Variants in MAD1L1 observed in about 807,000 individuals in gnomAD.
MAD1L1 encodes the protein mitotic spindle assembly checkpoint protein MAD1.
Under a neutral mutation model 96.9 loss-of-function variants are expected in MAD1L1, and 95 were observed. That is an observed-to-expected ratio of 0.98 (90% CI 0.83 to 1.16). The LOEUF (loss-of-function observed/expected upper bound fraction) is 1.16. Among genes scored for constraint, MAD1L1 ranks in the 50% most tolerant of loss-of-function variants. The probability of loss-of-function intolerance (pLI) is 0.00; values close to 1 mark genes in which losing one functional copy is unlikely to be tolerated. For missense variants in MAD1L1, 1,007 were observed against 954.4 expected (o/e 1.06, Z -0.73); for synonymous variants, 473 against 396.6 (o/e 1.19, Z -2.29).
chr7:1,898,820 C>T (rs1415633327), intron 17 of MAD1L1, among the ~76,000 whole-genome samples: 1 of 152,202 alleles, frequency 6.6e-6, no homozygotes, highest in Non-Finnish European at 1.5e-5. Context: ...TAGGCGAGAA[C>T]CGCGTGAGGA....
chr7:2,219,293 G>C (rs559785561), intron 6 of MAD1L1, 39 bp downstream of exon 6: 58 of 1,528,044 alleles, frequency 3.8e-5, no homozygotes, highest in Non-Finnish European at 4.6e-5. Flanking sequence ...GCCCCCACAC[G>C]TGACCCGACC....
At chr7:2,170,004 C>A (rs1790637153) in intron 10 of MAD1L1, among the ~76,000 whole-genome samples, 1 of 152,216 alleles carries the variant, frequency 6.6e-6, no homozygotes, top group Non-Finnish European at 1.5e-5. Flanking sequence ...TGCAGATAAA[C>A]CCTAAATGAT....
At chr7:2,077,282 G>A (rs897457172) in intron 11 of MAD1L1, among the ~76,000 whole-genome samples, 2 of 152,182 alleles carry the variant, frequency 1.3e-5, no homozygotes, top group Non-Finnish European at 2.9e-5. Context: ...ATCTCTAAAA[G>A]CACCTTTATT....
intron 11 of MAD1L1, among the ~76,000 whole-genome samples, chr7:2,128,412 G>T (rs181594035): frequency 1.2e-4 from 18 of 152,184 alleles, no homozygotes; most frequent in African/African-American, 4.1e-4. Flanking sequence ...GCAGTTCAGA[G>T]TTCATGAAAC....
intron 10 of MAD1L1, among the ~76,000 whole-genome samples, chr7:2,171,501 G>A (rs988363786): frequency 2.9e-5 from 4 of 137,008 alleles, no homozygotes; most frequent in Admixed American, 6.9e-5. Context: ...AGCAGCCGGA[G>A]GGTGGAGATG....
intron 15 of MAD1L1, among the ~76,000 whole-genome samples, chr7:1,964,869 G>A (rs61467855): frequency 0.068 from 10,315 of 152,222 alleles, 478 homozygotes; most frequent in Admixed American, 0.14. Flanking sequence ...CCTGGGTGCC[G>A]CAGGTGAGGC....
chr7:1,954,529 C>T (rs981810233), intron 16 of MAD1L1, among the ~76,000 whole-genome samples: 7 of 152,246 alleles, frequency 4.6e-5, no homozygotes, highest in Admixed American at 6.5e-5. Flanking sequence ...GGCAGGAGGC[C>T]GTGGCTGCAG....
At chr7:2,213,883 G>A (rs891111886) in intron 9 of MAD1L1, among the ~76,000 whole-genome samples, 9 of 152,212 alleles carry the variant, frequency 5.9e-5, no homozygotes, top group Non-Finnish European at 7.3e-5. Flanking sequence ...GGCCCTTCTA[G>A]GACGGAAGCA....
At chr7:1,829,969 G>A (rs1782625854) in intron 18 of MAD1L1, among the ~76,000 whole-genome samples, 1 of 152,036 alleles carries the variant, frequency 6.6e-6, no homozygotes, top group Non-Finnish European at 1.5e-5. Context: ...TCCACCCAGT[G>A]GAAATATCTC....
At chr7:2,159,810 T>G (rs1240793495) in intron 10 of MAD1L1, among the ~76,000 whole-genome samples, 1 of 152,188 alleles carries the variant, frequency 6.6e-6, no homozygotes, top group Non-Finnish European at 1.5e-5. Flanking sequence ...TTTTCCTATA[T>G]TAACATGAAA....
intron 18 of MAD1L1, among the ~76,000 whole-genome samples, chr7:1,854,780 A>G (rs1364713031): frequency 6.6e-6 from 1 of 152,052 alleles, no homozygotes; most frequent in Admixed American, 6.6e-5. Context: ...TCTCCTCTCA[A>G]CCTCACTGGC....
At chr7:1,922,599 G>T (rs1001062138) in intron 17 of MAD1L1, among the ~76,000 whole-genome samples, 39 of 152,328 alleles carry the variant, frequency 2.6e-4, no homozygotes, top group Middle Eastern at 3.4e-3. Context: ...GAGGAAAAGG[G>T]TCGGTCCTGC....
chr7:2,161,962 GTCCGGGAGGTGGGGGGCGGCCCCCGCCCA>G lies in MAD1L1; in HGVS notation c.987-12753_987-12725del, dbSNP rs1177344782. Among the ~76,000 whole-genome samples the G allele has an allele frequency of 1.7e-3, 252 of 146,502 alleles. 4 individuals are homozygous for G. In the East Asian group the frequency reaches 0.021, roughly 12 times the overall value. ...CAGCCCCCACCCGGCCAGCCACCCC[GTCCGGGAGGTGGGGGGCGGCCCCCGCCCA>G]TCCGGGAGGTGGGGGGCGGCCCCTG... is the stretch of plus-strand genomic sequence containing the variant. On this transcript the variant is annotated intron_variant, in intron 10 of 18. Transcript: ENST00000265854.
intron 11 of MAD1L1, among the ~76,000 whole-genome samples, chr7:2,118,712 T>C (rs1211552538): frequency 6.6e-6 from 1 of 152,170 alleles, no homozygotes; most frequent in Non-Finnish European, 1.5e-5. Context: ...GGCAGGTTCA[T>C]GCCGCCAAGG....
chr7:1,895,572 A>T (rs1786814188), intron 18 of MAD1L1, among the ~76,000 whole-genome samples: 1 of 152,244 alleles, frequency 6.6e-6, no homozygotes, highest in Non-Finnish European at 1.5e-5. Flanking sequence ...ACACATGGGG[A>T]AAGTGGGTAA....
At chr7:1,889,054 AACGTGCCTGGC>A (rs1329090022) in intron 18 of MAD1L1, among the ~76,000 whole-genome samples, 1 of 152,230 alleles carries the variant, frequency 6.6e-6, no homozygotes, top group Non-Finnish European at 1.5e-5. Flanking sequence ...CGGGGTCCCC[AACGTGCCTGGC>A]ACTTGCATAC....
chr7:2,219,587 G>A (rs548367054), intron 5 of MAD1L1, 131 bp from the exon 6 acceptor site: 63 of 917,392 alleles, frequency 6.9e-5, no homozygotes, highest in Admixed American at 1.3e-4. Flanking sequence ...GAGGCAGAGG[G>A]GCAGAGGAAT....
chr7:2,020,955 A>G (rs991591525), intron 12 of MAD1L1, among the ~76,000 whole-genome samples: 2 of 152,260 alleles, frequency 1.3e-5, no homozygotes, highest in Non-Finnish European at 2.9e-5. Flanking sequence ...TGCAGAAAGT[A>G]TAGGAATAAA....
intron 11 of MAD1L1, among the ~76,000 whole-genome samples, chr7:2,083,692 C>T (rs1448258345): frequency 6.6e-6 from 1 of 152,252 alleles, no homozygotes; most frequent in Admixed American, 6.5e-5. Context: ...GGGTTGAAAC[C>T]CGGCCTCCGC....
Sources: allele counts gnomAD v4.1 joint callset (sites outside exome capture counted in the v4.1 genomes callset), GRCh38; gene constraint gnomAD v4.1.1; transcripts MANE v1.5; gene names NCBI Gene and HGNC (gene_info 2026-07-23, HGNC 2026-07-21).